Variants in GRHL2 observed in about 807,000 individuals in gnomAD.
The protein encoded by GRHL2 is grainyhead like transcription factor 2, also known as grainyhead-like protein 2 homolog.
GRHL2 carries 21 observed loss-of-function variants against 83.8 expected under a neutral mutation model. The observed-to-expected ratio is 0.25, with a 90% CI of 0.18 to 0.36. The LOEUF (loss-of-function observed/expected upper bound fraction) is 0.36. Ranked by LOEUF, GRHL2 falls within the 10% of genes least tolerant of loss-of-function variation. The pLI, the probability that GRHL2 is intolerant of heterozygous loss-of-function variation, is 1.00. For synonymous variants in GRHL2, 280 were observed against 278.9 expected (o/e 1.00, Z -0.04); for missense variants, 623 against 781.8 (o/e 0.80, Z 2.42).
intron 4 of GRHL2, among the ~76,000 whole-genome samples, chr8:101,559,353 C>A (rs909532908): frequency 0.11 from 9,352 of 88,742 alleles, 805 homozygotes; most frequent in African/African-American, 0.21. Context: ...ACTAAAAATA[C>A]AAAAAAAAAA....
intron 7 of GRHL2, among the ~76,000 whole-genome samples, chr8:101,590,801 C>T (rs112773320): frequency 1.2e-4 from 18 of 152,246 alleles, no homozygotes; most frequent in African/African-American, 4.3e-4. Flanking sequence ...GGTGTATGTA[C>T]CTTGAGTCGG....
chr8:101,530,365 C>T (rs557225915), intron 1 of GRHL2, among the ~76,000 whole-genome samples: 44 of 152,274 alleles, frequency 2.9e-4, no homozygotes, highest in Admixed American at 3.3e-4. Context: ...TGTGCTTTCT[C>T]TCTTACTGCT....
intron 2 of GRHL2, among the ~76,000 whole-genome samples, chr8:101,547,657 A>C (rs1005325936): frequency 6.6e-6 from 1 of 152,280 alleles, no homozygotes; most frequent in Admixed American, 6.5e-5. Context: ...ATCACAGGAC[A>C]ATCCTGTATG....
chr8:101,650,066 C>T (rs1051726312), intron 14 of GRHL2, among the ~76,000 whole-genome samples: 1 of 152,144 alleles, frequency 6.6e-6, no homozygotes, highest in Non-Finnish European at 1.5e-5. Context: ...GAATACACTC[C>T]CTTACTCCCT....
intron 1 of GRHL2, among the ~76,000 whole-genome samples, chr8:101,511,614 A>G (rs752481268): frequency 6.6e-6 from 1 of 150,702 alleles, no homozygotes; most frequent in Non-Finnish European, 1.5e-5. Flanking sequence ...CTTCCAAAGT[A>G]CTGGGATTAT....
intron 14 of GRHL2, among the ~76,000 whole-genome samples, chr8:101,663,093 A>G (rs1813958145): frequency 6.6e-6 from 1 of 152,172 alleles, no homozygotes; most frequent in South Asian, 2.1e-4. Context: ...TGATGCTTTG[A>G]AAATCTTTGT....
chr8:101,572,727 T>C (rs1811851500), intron 5 of GRHL2, among the ~76,000 whole-genome samples: 1 of 152,262 alleles, frequency 6.6e-6, no homozygotes, highest in Non-Finnish European at 1.5e-5. Context: ...TTGTGGTTCA[T>C]ACCTGTTGTG....
chr8:101,635,026 AATGT>A (rs1191950009), intron 11 of GRHL2, among the ~76,000 whole-genome samples: 3 of 152,176 alleles, frequency 2.0e-5, no homozygotes, highest in East Asian at 3.9e-4. Flanking sequence ...CTTTTTAGAT[AATGT>A]CTACTTTGCA....
In GRHL2 at chr8:101,558,741, T is replaced by C; in HGVS notation, c.607T>C (p.Tyr203His). 6.2e-7 allele frequency: 1 copy of C among 1,614,118 alleles called. No individual in the cohort carries two copies. The highest frequency in any genetic ancestry group is 8.5e-7 in the Non-Finnish European group (1 of 1,180,020). The change falls in exon 4 of 16, where the codon TAT (tyrosine) becomes CAT (histidine). Residue 203 changes from tyrosine to histidine, a missense_variant. Transcript: ENST00000646743. ...GCCCTCGCTGGCCACCCACAGCGCC[T>C]ATCTCAAAGACGACCAGCGCAGCAC... Reference protein sequence around the residue: ...DVPSLATHSAYLKDDQRSTPD... With the variant: ...DVPSLATHSAHLKDDQRSTPD...
intron 9 of GRHL2, among the ~76,000 whole-genome samples, chr8:101,626,257 C>G (rs1367412943): frequency 1.3e-5 from 2 of 152,028 alleles, no homozygotes; most frequent in Non-Finnish European, 2.9e-5. Flanking sequence ...AGCTTGATTT[C>G]TAATTAATCA....
intron 1 of GRHL2, among the ~76,000 whole-genome samples, chr8:101,522,940 C>T (rs949489098): frequency 2.6e-5 from 4 of 151,098 alleles, no homozygotes; most frequent in East Asian, 1.9e-4. Context: ...GATGGAATCT[C>T]GCTCTGTCAC....
chr8:101,505,320 A>G (rs944205029), intron 1 of GRHL2, among the ~76,000 whole-genome samples: 3 of 152,214 alleles, frequency 2.0e-5, no homozygotes, highest in African/African-American at 4.8e-5. Flanking sequence ...GCTCATGCCT[A>G]TAATCCCAGC....
At chr8:101,548,167 A>G (rs1303784600) in intron 2 of GRHL2, among the ~76,000 whole-genome samples, 2 of 152,132 alleles carry the variant, frequency 1.3e-5, no homozygotes, top group Non-Finnish European at 2.9e-5. Flanking sequence ...CCATCCATCC[A>G]TCCACCCACC....
Position 101,500,739 on chromosome 8 carries a change from G to C in GRHL2, c.20+7950G>C, listed in dbSNP as rs188229263. On this transcript the variant is annotated intron_variant, in intron 1 of 15. Coordinates refer to ENST00000646743, the MANE Select transcript of GRHL2 (RefSeq NM_024915.4). ...TTGGCCAGTCTTGTCTCGAACTCCT[G>C]ACCTCAGGTGATCCATTCACCTTGG... Among the ~76,000 whole-genome samples, 496 of 152,228 alleles carry C rather than the reference G, an allele frequency of 3.3e-3. 9 individuals carry two copies. The highest frequency in any genetic ancestry group is 8.3e-3 in the Admixed American group (127 of 15,284).
At chr8:101,511,359 T>TAATG (rs1810461031) in intron 1 of GRHL2, among the ~76,000 whole-genome samples, 1 of 152,186 alleles carries the variant, frequency 6.6e-6, no homozygotes, top group Middle Eastern at 3.2e-3. Context: ...ATCCAATCAA[T>TAATG]AATGGTCAAA....
At chr8:101,639,029 G>A (rs1038117853) in intron 12 of GRHL2, among the ~76,000 whole-genome samples, 25 of 152,304 alleles carry the variant, frequency 1.6e-4, no homozygotes, top group African/African-American at 6.0e-4. Context: ...GTTCTCATGG[G>A]AAAACTTAGT....
At chr8:101,617,538 C>G (rs1229952881) in intron 8 of GRHL2, among the ~76,000 whole-genome samples, 1 of 152,164 alleles carries the variant, frequency 6.6e-6, no homozygotes, top group Non-Finnish European at 1.5e-5. Context: ...GGATCTCTCT[C>G]TGTCACCCAG....
chr8:101,595,974 G>T (rs1812381767), intron 7 of GRHL2, among the ~76,000 whole-genome samples: 1 of 151,924 alleles, frequency 6.6e-6, no homozygotes, highest in Admixed American at 6.6e-5. Flanking sequence ...CAAAAAATTA[G>T]CCTGGTGTGG....
chr8:101,535,107 G>A (rs1811016332), intron 1 of GRHL2, among the ~76,000 whole-genome samples: 1 of 152,124 alleles, frequency 6.6e-6, no homozygotes. Flanking sequence ...TATATGATAG[G>A]GATTTGACTC....
Sources: gnomAD v4.1 joint callset for allele counts (sites outside exome capture counted in the v4.1 genomes callset) on GRCh38, gnomAD v4.1.1 for gene constraint, MANE v1.5 for transcripts, NCBI Gene and HGNC (gene_info 2026-07-23, HGNC 2026-07-21) for gene names.